Variants in KIRREL3 observed in about 807,000 individuals in gnomAD.
KIRREL3 encodes the protein kin of IRRE-like protein 3.
KIRREL3 carries 36 observed loss-of-function variants against 89.7 expected under a neutral mutation model. That is an observed-to-expected ratio of 0.40 (90% CI 0.31 to 0.53). The LOEUF (loss-of-function observed/expected upper bound fraction) is 0.53. Ranked by LOEUF, KIRREL3 falls within the 20% of genes least tolerant of loss-of-function variation. The pLI is 0.49. For missense variants in KIRREL3, 864 were observed against 1,056.6 expected, an observed-to-expected ratio of 0.82 and a Z score of 2.53; for synonymous variants, 445 against 441.4, an observed-to-expected ratio of 1.01 and a Z score of -0.10.
intron 4 of KIRREL3, among the ~76,000 whole-genome samples, chr11:126,510,008 A>G (rs1402366786): frequency 6.7e-6 from 1 of 149,996 alleles, no homozygotes; most frequent in Non-Finnish European, 1.5e-5. Context: ...AAAAAAAAAA[A>G]AAAAAAAAAA....
intron 1 of KIRREL3, among the ~76,000 whole-genome samples, chr11:126,775,188 TA>T (rs1453545922): frequency 6.6e-6 from 1 of 152,192 alleles, no homozygotes; most frequent in Non-Finnish European, 1.5e-5. Flanking sequence ...TGTAAAAGAA[TA>T]TGCCAGCCAT....
At chr11:126,936,023 T>A (rs1276223529) in intron 1 of KIRREL3, 1 of 152,194 alleles carries the variant, frequency 6.6e-6, no homozygotes, top group Non-Finnish European at 1.5e-5. Flanking sequence ...CTGTTCAATC[T>A]CTTGTGAGCC....
intron 1 of KIRREL3, among the ~76,000 whole-genome samples, chr11:126,941,686 A>T (rs189353399): frequency 6.6e-6 from 1 of 152,352 alleles, no homozygotes; most frequent in Admixed American, 6.5e-5. Flanking sequence ...TTCCTGGAAT[A>T]GTACAAAATA....
rs937305400 is a variant in KIRREL3, at chr11:126,436,713, C to A, written c.1552+98G>T. 6.1e-5 allele frequency: 80 copies of A among 1,316,988 alleles called. 1 individual carries two copies. The South Asian group carries it at 1.0e-3, about 16-fold the overall frequency. 81.6% of individuals were successfully genotyped at this position (1,316,988 alleles called of 1,614,324 possible). The stretch of plus-strand genomic sequence containing the variant: ...GAGCACTGTGGCTTGTCCTTGGGCC[C>A]TGGCCCACCTTGCAGCCACCCGCGC... On this transcript the variant is annotated intron_variant, in intron 12 of 16. Coordinates refer to ENST00000525144, the MANE Select transcript of KIRREL3 (RefSeq NM_032531.4).
At position 127,000,417 on chromosome 11, in the gene KIRREL3, C is replaced by A; in HGVS notation, c.55+38G>T. The A allele has an allele frequency of 6.4e-7, 1 of 1,565,248 alleles. No homozygotes were observed. On this transcript the variant is annotated intron_variant, in intron 1 of 16. Coordinates refer to ENST00000525144, the MANE Select transcript of KIRREL3 (RefSeq NM_032531.4). The surrounding 1 kb of genome is among the most constrained non-coding windows in gnomAD (Gnocchi z 7.1). ...AGCCTCCCGCGCCCTGACAACCCAG[C>A]CGACTTTCTTCCAACTCCAGCAGCG...
chr11:126,856,789 G>A (rs989840620), intron 1 of KIRREL3, among the ~76,000 whole-genome samples: 1 of 151,704 alleles, frequency 6.6e-6, no homozygotes, highest in Non-Finnish European at 1.5e-5. Flanking sequence ...CTAATTTTTT[G>A]TATTTTTAGT....
At chr11:126,554,129 T>C (rs1939508430) in intron 2 of KIRREL3, among the ~76,000 whole-genome samples, 1 of 152,214 alleles carries the variant, frequency 6.6e-6, no homozygotes, top group African/African-American at 2.4e-5. Context: ...ACAGGCAGCA[T>C]GATCCTCTAG....
In KIRREL3 at chr11:126,481,725, G is replaced by A. The variant is rs540169446; in HGVS notation, c.434-8259C>T. On this transcript the variant is annotated intron_variant, in intron 4 of 16. Transcript: ENST00000525144. The stretch of plus-strand genomic sequence containing the variant: ...ATCAGCCATCATCCTTTTGTGCTTG[G>A]ATTACAATAGTGCTTCTCCCCTCCA... 2.6e-5 allele frequency among the ~76,000 whole-genome samples: 4 copies of A among 152,314 alleles called. No individual in the cohort carries two copies. The East Asian group carries it at 7.7e-4, about 29-fold the overall frequency.
At chr11:126,939,512 A>G (rs1011405437) in intron 1 of KIRREL3, among the ~76,000 whole-genome samples, 1 of 152,150 alleles carries the variant, frequency 6.6e-6, no homozygotes, top group African/African-American at 2.4e-5. Context: ...ACAAGTTCCA[A>G]TGCTAGCAGG....
In KIRREL3 at chr11:126,570,431, C is replaced by G. The variant is rs1254643796; in HGVS notation, c.56-7519G>C. Among the ~76,000 whole-genome samples, 1 of 152,160 alleles carries G rather than the reference C, an allele frequency of 6.6e-6. No homozygotes were observed. Among genetic ancestry groups the G allele is most frequent in the African/African-American group, 2.4e-5 (1 of 41,432 alleles). Reference sequence around the variant, plus strand: ...AATTACGTTTTTGAAATAATGAGTTCTATAACATTTCATGTCAAGTTATTG... The same window carrying G: ...AATTACGTTTTTGAAATAATGAGTTGTATAACATTTCATGTCAAGTTATTG... On this transcript the variant is annotated intron_variant, in intron 1 of 16. Coordinates refer to ENST00000525144, the MANE Select transcript of KIRREL3 (RefSeq NM_032531.4). This position sits in a 1 kb window ranked among gnomAD's most constrained non-coding sequence, Gnocchi z 6.1.
chr11:126,486,515 CA>C lies in KIRREL3; in HGVS notation c.434-13050del, dbSNP rs1430748931. On this transcript the variant is annotated intron_variant, in intron 4 of 16. Transcript: ENST00000525144. This position sits in a 1 kb window ranked among gnomAD's most constrained non-coding sequence, Gnocchi z 6.2. ...CGGCACATGCCCCCTTGCAGCCGCT[CA>C]CAAAGCTCTCCAGCTGGTTTCGACC... Among the ~76,000 whole-genome samples, 2 of 152,210 alleles carry C rather than the reference CA, an allele frequency of 1.3e-5. No homozygotes were observed. The highest frequency in any genetic ancestry group is 1.5e-5 in the Non-Finnish European group (1 of 68,040).
chr11:126,572,403 C>T lies in KIRREL3; in HGVS notation c.56-9491G>A, dbSNP rs1940998512. 3.3e-5 allele frequency among the ~76,000 whole-genome samples: 5 copies of T among 152,312 alleles called. No homozygotes were observed. The South Asian group carries it at 1.0e-3, about 32-fold the overall frequency. On this transcript the variant is annotated intron_variant, in intron 1 of 16. Coordinates refer to ENST00000525144, the MANE Select transcript of KIRREL3 (RefSeq NM_032531.4). Reference sequence around the variant, plus strand: ...GCTGTACAGGTGAGGCTCAGGGAAGCCAAGCAATTTTCCTAAAGTCACACA... The same window carrying T: ...GCTGTACAGGTGAGGCTCAGGGAAGTCAAGCAATTTTCCTAAAGTCACACA...
intron 1 of KIRREL3, among the ~76,000 whole-genome samples, chr11:126,758,176 G>A (rs915746548): frequency 1.3e-4 from 20 of 152,320 alleles, no homozygotes; most frequent in African/African-American, 4.3e-4. Context: ...ATGACTTTTC[G>A]ATAAAGCTGC....
rs1957489150 is a variant in KIRREL3 at position 126,490,743 on chromosome 11, C to G, written c.434-17277G>C. 6.6e-6 allele frequency among the ~76,000 whole-genome samples: 1 copy of G among 152,184 alleles called. No homozygotes were observed. Among genetic ancestry groups the G allele is most frequent in the Admixed American group, 6.5e-5 (1 of 15,282 alleles). On this transcript the variant is annotated intron_variant, in intron 4 of 16. Transcript: ENST00000525144. This position sits in a 1 kb window ranked among gnomAD's most constrained non-coding sequence, Gnocchi z 4.2. ...TGAATGCTCATTCCTTTTCTTGTCTCTCCTCCCTCCTCGTCTCCCAAAGAA... is the reference window on the plus strand; with the variant it reads ...TGAATGCTCATTCCTTTTCTTGTCTGTCCTCCCTCCTCGTCTCCCAAAGAA...
intron 1 of KIRREL3, among the ~76,000 whole-genome samples, chr11:126,672,761 A>G (rs1224287039): frequency 6.6e-6 from 1 of 152,200 alleles, no homozygotes; most frequent in African/African-American, 2.4e-5. Context: ...CTATCTAGTC[A>G]GGTACGTGTT....
Position 126,761,634 on chromosome 11 carries a change from G to C in KIRREL3, c.56-198722C>G, listed in dbSNP as rs1949668836. 6.6e-6 allele frequency among the ~76,000 whole-genome samples: 1 copy of C among 152,166 alleles called. No individual in the cohort carries two copies. The highest frequency in any genetic ancestry group is 2.4e-5 in the African/African-American group (1 of 41,446). On this transcript the variant is annotated intron_variant, in intron 1 of 16. Transcript: ENST00000525144. The surrounding 1 kb of genome is among the most constrained non-coding windows in gnomAD (Gnocchi z 4.4). ...TACACTGTTATTACTTTGAGACATA[G>C]TTACTCTTTCTTCTAAGGAATCTTG...
rs1949593739 is a variant in KIRREL3 at position 126,976,882 on chromosome 11, C to A, written c.55+23573G>T. ...CTTGATCTGGGTGACTCTAAACCAC[C>A]AACTTGTATGATCTCTTCCTGTCAC... On this transcript the variant is annotated intron_variant, in intron 1 of 16. Transcript: ENST00000525144. This position sits in a 1 kb window ranked among gnomAD's most constrained non-coding sequence, Gnocchi z 4.2. Among the ~76,000 whole-genome samples, 1 of 152,080 alleles carries A rather than the reference C, an allele frequency of 6.6e-6. No individual in the cohort carries two copies. The highest frequency in any genetic ancestry group is 6.5e-5 in the Admixed American group (1 of 15,274).
At chr11:126,825,306 C>T (rs953951257) in intron 1 of KIRREL3, among the ~76,000 whole-genome samples, 4 of 152,078 alleles carry the variant, frequency 2.6e-5, no homozygotes, top group African/African-American at 9.7e-5. Context: ...ACCCCCTTCT[C>T]AGAATAATGT....
chr11:126,654,153 G>A (rs1482790214), intron 1 of KIRREL3, among the ~76,000 whole-genome samples: 2 of 150,204 alleles, frequency 1.3e-5, no homozygotes, highest in African/African-American at 4.9e-5. Context: ...TCACAAGGCT[G>A]GTGAGCGAGG....
Sources: gnomAD v4.1 joint callset for allele counts (sites outside exome capture counted in the v4.1 genomes callset) on GRCh38, gnomAD v4.1.1 for gene constraint, Gnocchi (gnomAD v3.1) non-coding constraint, MANE v1.5 for transcripts, NCBI Gene and HGNC (gene_info 2026-07-23, HGNC 2026-07-21) for gene names.